Variants in SIRPB2 observed in about 807,000 individuals in gnomAD.
SIRPB2 encodes signal regulatory protein beta 2, also known as signal-regulatory protein beta-2.
In SIRPB2, 18 loss-of-function variants were observed where a neutral mutation model predicts 27.1. The ratio of observed to expected loss-of-function variants is 0.66; its 90% CI spans 0.46 to 0.98. The LOEUF (loss-of-function observed/expected upper bound fraction) is 0.98. Among genes scored for constraint, SIRPB2 ranks in the 50% least tolerant of loss-of-function variants. SIRPB2 has a pLI of 0.00. For missense variants in SIRPB2, 420 were observed against 417.4 expected (o/e 1.01, Z -0.06); for synonymous variants, 150 against 164.6 (o/e 0.91, Z 0.68).
chr20:1,482,893 T>C lies in SIRPB2; in HGVS notation c.86-2828A>G, dbSNP rs1406994835. The stretch of plus-strand genomic sequence containing the variant: ...GATTGATTCCATACATTTGCAATTG[T>C]GAATATTGCTGCAATAAACGTAGAA... On this transcript the variant is annotated intron_variant, in intron 1 of 4. Coordinates refer to ENST00000359801, the MANE Select transcript of SIRPB2 (RefSeq NM_001122962.2). Among the ~76,000 whole-genome samples the C allele has an allele frequency of 3.3e-5, 5 of 152,314 alleles. No homozygotes were observed. The East Asian group carries it at 9.6e-4, about 29-fold the overall frequency.
intron 1 of SIRPB2, among the ~76,000 whole-genome samples, chr20:1,482,124 G>A (rs2090677212): frequency 1.3e-5 from 2 of 152,170 alleles, no homozygotes; most frequent in African/African-American, 2.4e-5. Flanking sequence ...ATATGTAGAA[G>A]TTATGACATC....
intron 1 of SIRPB2, among the ~76,000 whole-genome samples, chr20:1,482,924 T>G (rs2090687383): frequency 1.3e-5 from 2 of 152,172 alleles, no homozygotes; most frequent in African/African-American, 4.8e-5. Flanking sequence ...TAGAAATGCA[T>G]GCACTCCTTT....
rs2090628004 is a variant in SIRPB2 at position 1,478,272 on chromosome 20, C to A, written c.787G>T (p.Val263Leu). ...CCAAAACCAATTGTCTCACCTTTCA[C>A]TTTCAGGCTGGTGCCCTGTCCAGAC... ...YLSGQGTSLK[V>L]KAKSTSSKEA... Residue 263 changes from valine (V) to leucine (L), a missense_variant, in exon 3 of 5, where the codon GTG becomes TTG. By Grantham distance (32) the Val-to-Leu change is conservative. Coordinates refer to ENST00000359801, the MANE Select transcript of SIRPB2 (RefSeq NM_001122962.2). The A allele has an allele frequency of 6.2e-7, 1 of 1,610,224 alleles. No homozygotes were observed. Among genetic ancestry groups the A allele is most frequent in the African/African-American group, 1.3e-5 (1 of 74,846 alleles).
At chr20:1,478,970 A>T (rs926945843) in intron 2 of SIRPB2, among the ~76,000 whole-genome samples, 1 of 152,230 alleles carries the variant, frequency 6.6e-6, no homozygotes, top group Admixed American at 6.5e-5. Context: ...AGCCTTCCTG[A>T]ATCTGGCATC....
intron 2 of SIRPB2, 103 bp downstream of exon 2, chr20:1,479,597 G>T: frequency 6.7e-7 from 1 of 1,494,510 alleles, no homozygotes; most frequent in Non-Finnish European, 9.1e-7. Flanking sequence ...ATTGTTGTAT[G>T]CCACTGAAAT....
chr20:1,476,838 A>C, intron 4 of SIRPB2: 12 of 1,089,764 alleles, frequency 1.1e-5, no homozygotes, highest in Non-Finnish European at 1.3e-5. Flanking sequence ...GAGATGTGCT[A>C]GGCACAGTTC....
chr20:1,473,135 TTGTC>T (rs2090586528), downstream of SIRPB2: 1 of 152,314 alleles, frequency 6.6e-6, no homozygotes, highest in Admixed American at 6.5e-5. Context: ...TACTTGCTCA[TTGTC>T]TGTCTTCTCT....
intron 3 of SIRPB2, 30 bp from the exon 4 acceptor site, chr20:1,477,433 C>T (rs1179272037): frequency 6.3e-7 from 1 of 1,590,040 alleles, no homozygotes; most frequent in South Asian, 1.1e-5. Context: ...TGTCATACTT[C>T]CCTTTATCTT....
At chr20:1,478,692 C>T in intron 2 of SIRPB2, 85 bp from the exon 3 acceptor site, 7 of 1,151,406 alleles carry the variant, frequency 6.1e-6, no homozygotes, top group Admixed American at 5.7e-5. Flanking sequence ...TCCCTCCCTT[C>T]CTTCTTTCCA....
intron 2 of SIRPB2, 150 bp downstream of exon 2, chr20:1,479,550 G>C: frequency 8.1e-7 from 1 of 1,241,136 alleles, no homozygotes; most frequent in South Asian, 1.4e-5. Flanking sequence ...GAACCACCCA[G>C]CCACATGTAA....
chr20:1,477,166 A>G, intron 4 of SIRPB2, 172 bp downstream of exon 4: 2 of 1,582,758 alleles, frequency 1.3e-6, no homozygotes, highest in African/African-American at 1.3e-5. Flanking sequence ...CTGAGCTGTT[A>G]TAACATGGTT....
chr20:1,477,068 C>T (rs2090612481), intron 4 of SIRPB2: 1 of 1,425,386 alleles, frequency 7.0e-7, no homozygotes, highest in South Asian at 1.4e-5. Context: ...TGTCCCTACA[C>T]TCAGAATCAC....
chr20:1,478,731 C>A, intron 2 of SIRPB2, 124 bp from the exon 3 acceptor site: 3 of 765,956 alleles, frequency 3.9e-6, no homozygotes, highest in Non-Finnish European at 6.1e-6. Context: ...CTCCTTCCTG[C>A]TTTCTTTATT....
Position 1,477,627 on chromosome 20 carries a change from A to G in SIRPB2, c.794-224T>C, listed in dbSNP as rs1239667822. Among the ~76,000 whole-genome samples, 3 of 152,252 alleles carry G rather than the reference A, an allele frequency of 2.0e-5. No homozygotes were observed. In the East Asian group the frequency reaches 5.8e-4, roughly 29 times the overall value. ...TTGCAGTGTCTGCAGTACTTAGCAT[A>G]GTGCAGGACACTCAACAGTCATGTA... is the stretch of plus-strand genomic sequence containing the variant. On this transcript the variant is annotated intron_variant, in intron 3 of 4. Transcript: ENST00000359801.
intron 1 of SIRPB2, among the ~76,000 whole-genome samples, chr20:1,487,716 G>A (rs752885935): frequency 1.3e-5 from 2 of 152,164 alleles, no homozygotes; most frequent in African/African-American, 2.4e-5. Flanking sequence ...GATCGTCATA[G>A]CACACTGCAG....
chr20:1,473,920 C>T (rs1048757804), downstream of SIRPB2: 14 of 454,618 alleles, frequency 3.1e-5, no homozygotes, highest in Middle Eastern at 3.5e-4. Context: ...TCTGAAGTCC[C>T]GAAGTCTGAA....
chr20:1,489,463 A>G (rs926707120), intron 1 of SIRPB2, among the ~76,000 whole-genome samples: 1 of 152,214 alleles, frequency 6.6e-6, no homozygotes, highest in Admixed American at 6.5e-5. Flanking sequence ...GCACTCAGAA[A>G]GTCTTATCTC....
rs377442976 is a variant in SIRPB2, at chr20:1,476,135, A to G, written c.*32T>C. ...GTTGAGGAGCCCTGGCTCCTCTCCAACTCAGAGGGTCCTCACTCTGGGGCT... is the reference window on the plus strand; with the variant it reads ...GTTGAGGAGCCCTGGCTCCTCTCCAGCTCAGAGGGTCCTCACTCTGGGGCT... On this transcript the variant is annotated 3_prime_UTR_variant, in exon 5 of 5. Transcript: ENST00000359801. 17 of 1,604,098 alleles carry G rather than the reference A, an allele frequency of 1.1e-5. No individual in the cohort carries two copies. The highest frequency in any genetic ancestry group is 3.3e-5 in the South Asian group (3 of 89,930).
chr20:1,491,168 T>C (rs1212332365), intron 1 of SIRPB2, 107 bp downstream of exon 1: 6 of 1,028,940 alleles, frequency 5.8e-6, no homozygotes, highest in Admixed American at 6.1e-5. Flanking sequence ...CCCTCTTTAC[T>C]CTATCTTCAT....
Sources: allele counts gnomAD v4.1 joint callset (sites outside exome capture counted in the v4.1 genomes callset), GRCh38; gene constraint gnomAD v4.1.1; transcripts MANE v1.5; gene names NCBI Gene and HGNC (gene_info 2026-07-23, HGNC 2026-07-21).